The following MYO18A variants were observed in gnomAD, a reference collection of about 807,000 sequenced individuals.
MYO18A encodes the protein myosin XVIIIA.
MYO18A carries 78 observed loss-of-function variants against 235.8 expected under a neutral mutation model. That is an observed-to-expected ratio of 0.33 (90% CI 0.28 to 0.40). The LOEUF is 0.40. MYO18A is among the 10% of genes least tolerant of loss of function. MYO18A has a pLI of 1.00. For missense variants in MYO18A, 2,215 were observed against 2,699.3 expected (o/e 0.82, Z 3.98); for synonymous variants, 977 against 1,077.8 (o/e 0.91, Z 1.83).
At chr17:29,091,349 G>A in intron 34 of MYO18A, 1 of 336,816 alleles carries the variant, frequency 3.0e-6, no homozygotes, top group South Asian at 2.3e-5. Context: ...ATTTTCCCTG[G>A]GACTGCCCAC....
At position 29,090,553 on chromosome 17, in the gene MYO18A, C is replaced by T. The variant is rs1391332194; in HGVS notation, c.5367G>A (p.Glu1789=). 1.4e-5 allele frequency: 23 copies of T among 1,596,760 alleles called. No homozygotes were observed. Among genetic ancestry groups the T allele is most frequent in the Non-Finnish European group, 2.0e-5 (23 of 1,170,772 alleles). The change falls in exon 36 of 42, where the codon GAG becomes GAA. Residue 1789 remains glutamate (E), a synonymous_variant. Coordinates refer to ENST00000527372, the MANE Select transcript of MYO18A (RefSeq NM_078471.4). The part of the protein sequence containing the change: ...LQAQLEEANK[E]KQELQEKLQA... The stretch of plus-strand genomic sequence containing the variant: ...TCACCTTCTCCTGCAGCTCCTGCTT[C>T]TCTTTGTTGGCTTCTTCTAGCTGAG...
rs1334291650 is a variant in MYO18A, at chr17:29,115,836, C to T, written c.2055G>A (p.Gly685=). ...AGATKEAAEA[G]RKQFARHEWA... Reference sequence around the variant, plus strand: ...ACTCATGGCGGGCAAACTGCTTGCGCCCAGCTGTGGAGTGGAAAAAGGGAT... The same window carrying T: ...ACTCATGGCGGGCAAACTGCTTGCGTCCAGCTGTGGAGTGGAAAAAGGGAT... Residue 685 remains glycine, a synonymous_variant, in exon 12 of 42, where the codon GGG becomes GGA. Transcript: ENST00000527372. 1.3e-6 allele frequency: 2 copies of T among 1,576,280 alleles called. No individual in the cohort carries two copies. The highest frequency in any genetic ancestry group is 2.3e-5 in the East Asian group (1 of 42,800).
At chr17:29,153,812 T>G (rs999105063) in intron 2 of MYO18A, among the ~76,000 whole-genome samples, 7 of 152,172 alleles carry the variant, frequency 4.6e-5, no homozygotes, top group African/African-American at 1.7e-4. Context: ...TTTGGGATTT[T>G]GAAGAAAATG....
At chr17:29,159,459 AAAAAC>A (rs1645520916) in intron 2 of MYO18A, among the ~76,000 whole-genome samples, 1 of 152,196 alleles carries the variant, frequency 6.6e-6, no homozygotes, top group South Asian at 2.1e-4. Flanking sequence ...TCCTGTTTTT[AAAAAC>A]AAAACAAAAC....
At chr17:29,080,896 C>G (rs2066104763) in intron 41 of MYO18A, 16 of 985,480 alleles carry the variant, frequency 1.6e-5, no homozygotes, top group Non-Finnish European at 1.9e-5. Context: ...ATCCGCGTCC[C>G]CGGTGCCCCC....
Position 29,111,638 on chromosome 17 carries a change from C to T in MYO18A, c.2741-55G>A. 6.2e-7 allele frequency: 1 copy of T among 1,611,560 alleles called. No individual in the cohort carries two copies. Among genetic ancestry groups the T allele is most frequent in the South Asian group, 1.1e-5 (1 of 90,982 alleles). On this transcript the variant is annotated intron_variant, in intron 16 of 41. Transcript: ENST00000527372. The surrounding 1 kb of genome is among the most constrained non-coding windows in gnomAD (Gnocchi z 5.1). ...GTCAGGGTACAGGCACAAAGTGACC[C>T]CCGCCCCCTCCCAGGGAGTGCCACC...
intron 22 of MYO18A, 72 bp from the exon 23 acceptor site, chr17:29,099,041 CCCA>C: frequency 2.5e-6 from 4 of 1,584,930 alleles, no homozygotes; most frequent in Non-Finnish European, 3.4e-6. Context: ...CAGGATCCTC[CCCA>C]CCACCAGCAC....
Position 29,074,561 on chromosome 17 carries a change from C to T in MYO18A, c.*209G>A. 1 of 612,016 alleles carries T rather than the reference C, an allele frequency of 1.6e-6. No homozygotes were observed. The highest frequency in any genetic ancestry group is 2.8e-5 in the East Asian group (1 of 35,964). The allele number at this position is 612,016 out of a possible 1,614,324, so 37.9% of individuals were successfully genotyped here. Reference sequence around the variant, plus strand: ...TTGAGACAGAGGAGCAAAAAGTTCTCTTCAGAAACTCCTCTTTCCCCCACC... The same window carrying T: ...TTGAGACAGAGGAGCAAAAAGTTCTTTTCAGAAACTCCTCTTTCCCCCACC... On this transcript the variant is annotated 3_prime_UTR_variant, in exon 42 of 42. Coordinates refer to ENST00000527372, the MANE Select transcript of MYO18A (RefSeq NM_078471.4). This position sits in a 1 kb window ranked among gnomAD's most constrained non-coding sequence, Gnocchi z 4.4.
At chr17:29,139,746 A>G (rs1310464202) in intron 2 of MYO18A, among the ~76,000 whole-genome samples, 1 of 152,156 alleles carries the variant, frequency 6.6e-6, no homozygotes, top group Admixed American at 6.5e-5. Context: ...CAGTCAGAGC[A>G]TCCCCAACAC....
intron 18 of MYO18A, 42 bp downstream of exon 18, chr17:29,110,394 A>G (rs1206534703): frequency 6.5e-7 from 1 of 1,527,876 alleles, no homozygotes; most frequent in Non-Finnish European, 8.8e-7. Context: ...GGGGTAAGGA[A>G]GGGTCCCCAG....
intron 31 of MYO18A, 101 bp downstream of exon 31, chr17:29,093,879 A>G: frequency 1.2e-6 from 1 of 806,010 alleles, no homozygotes; most frequent in Non-Finnish European, 2.0e-6. Context: ...ATGACAATGG[A>G]AGACGATGTG....
rs535542549 is a variant in MYO18A, at chr17:29,116,658, C to T, written c.2039-203G>A. On this transcript the variant is annotated intron_variant, in intron 10 of 41. Coordinates refer to ENST00000527372, the MANE Select transcript of MYO18A (RefSeq NM_078471.4). Reference sequence around the variant, plus strand: ...GGGAGTATGTTTGTGGGTGTAATCACACTGACACACACAGAAAGAGACCCG... The same window carrying T: ...GGGAGTATGTTTGTGGGTGTAATCATACTGACACACACAGAAAGAGACCCG... 6.4e-5 allele frequency among the ~76,000 whole-genome samples: 7 copies of T among 109,094 alleles called. 1 individual carries two copies. The South Asian group carries it at 2.4e-3, about 37-fold the overall frequency. 71.6% of individuals were successfully genotyped at this position (109,094 alleles called of 152,430 possible).
chr17:29,097,125 C>A, intron 27 of MYO18A, 98 bp downstream of exon 27: 1 of 1,529,954 alleles, frequency 6.5e-7, no homozygotes, highest in Non-Finnish European at 8.8e-7. Context: ...TCCATTCCAG[C>A]CAGGCCTGCC....
Position 29,103,637 on chromosome 17 carries a change from C to T in MYO18A, c.3469G>A (p.Asp1157Asn). The T allele has an allele frequency of 1.9e-6, 3 of 1,613,874 alleles. No individual in the cohort carries two copies. The highest frequency in any genetic ancestry group is 2.5e-6 in the Non-Finnish European group (3 of 1,179,888). Residue 1157 changes from aspartate (D) to asparagine (N), a missense_variant, in exon 21 of 42, where the codon GAT becomes AAT. Physicochemically the swap from Asp to Asn is conservative, Grantham distance 23. Transcript: ENST00000527372. ...ATGCAGCAGCTGCTCTTCTCCAGATCCAAGCACTCCAGCAGCTCCTCCACT... is the reference window on the plus strand; with the variant it reads ...ATGCAGCAGCTGCTCTTCTCCAGATTCAAGCACTCCAGCAGCTCCTCCACT... Reference protein sequence around the residue: ...RAVEELLECLDLEKSSCCMGL... With the variant: ...RAVEELLECLNLEKSSCCMGL...
chr17:29,096,321 C>A (rs2066517502), intron 28 of MYO18A, among the ~76,000 whole-genome samples: 1 of 152,188 alleles, frequency 6.6e-6, no homozygotes, highest in Non-Finnish European at 1.5e-5. Flanking sequence ...GTGAGGGCCA[C>A]CCCCCTCCTT....
At chr17:29,128,203 AG>A in intron 2 of MYO18A, 1 of 755,230 alleles carries the variant, frequency 1.3e-6, no homozygotes, top group Non-Finnish European at 1.7e-6. Context: ...GAGGTGGGGG[AG>A]GGGGTGGCGG....
At position 29,111,586 on chromosome 17, in the gene MYO18A, G is replaced by T; in HGVS notation, c.2741-3C>A. ...GCTGTGCAGAAGGGGGCTTTGGCCT[G>T]ATGGTGGGAGAAGCAAGATTTAGGT... On this transcript the variant is annotated splice_polypyrimidine_tract_variant and splice_region_variant and intron_variant, in intron 16 of 41. Transcript: ENST00000527372. The surrounding 1 kb of genome is among the most constrained non-coding windows in gnomAD (Gnocchi z 5.1). The T allele has an allele frequency of 6.2e-7, 1 of 1,613,848 alleles. No individual in the cohort carries two copies. Among genetic ancestry groups the T allele is most frequent in the African/African-American group, 1.3e-5 (1 of 75,028 alleles).
At chr17:29,124,058 A>C (rs900944319) in intron 2 of MYO18A, among the ~76,000 whole-genome samples, 4 of 152,184 alleles carry the variant, frequency 2.6e-5, no homozygotes, top group African/African-American at 9.7e-5. Flanking sequence ...AAAAAAAAAA[A>C]AAATCATTAC....
rs2066791709 is a variant in MYO18A at position 29,106,619 on chromosome 17, C to A, written c.3441+461G>T. Among the ~76,000 whole-genome samples, 1 of 152,174 alleles carries A rather than the reference C, an allele frequency of 6.6e-6. No individual in the cohort carries two copies. The highest frequency in any genetic ancestry group is 6.5e-5 in the Admixed American group (1 of 15,290). On this transcript the variant is annotated intron_variant, in intron 20 of 41. Coordinates refer to ENST00000527372, the MANE Select transcript of MYO18A (RefSeq NM_078471.4). The surrounding 1 kb of genome is among the most constrained non-coding windows in gnomAD (Gnocchi z 4.6). ...CACCCCTTCCGCAGCCACAAGTTCA[C>A]CAACCAGGGCCGGCAAATGGCCCGG...
Sources: gnomAD v4.1 joint callset for allele counts (sites outside exome capture counted in the v4.1 genomes callset) on GRCh38, gnomAD v4.1.1 for gene constraint, Gnocchi (gnomAD v3.1) non-coding constraint, MANE v1.5 for transcripts, NCBI Gene and HGNC (gene_info 2026-07-23, HGNC 2026-07-21) for gene names.